Variants in TEX15 observed in about 807,000 individuals in gnomAD.
TEX15 encodes the protein testis-expressed protein 15.
In TEX15, 171 loss-of-function variants were observed where a neutral mutation model predicts 237.3. That is an observed-to-expected ratio of 0.72 (90% CI 0.64 to 0.82). The LOEUF (loss-of-function observed/expected upper bound fraction) is 0.82, where lower values mean the gene tolerates loss of function less well. Ranked by LOEUF, TEX15 falls within the 40% of genes least tolerant of loss-of-function variation. The pLI is 0.00. For missense variants in TEX15, 3,750 were observed against 3,646.5 expected, an observed-to-expected ratio of 1.03 and a Z score of -0.73; for synonymous variants, 1,338 against 1,269.8, an observed-to-expected ratio of 1.05 and a Z score of -1.14.
chr8:30,867,472 G>A lies in TEX15; in HGVS notation c.333C>T (p.Cys111=), dbSNP rs1403717127. 2.0e-6 allele frequency: 3 copies of A among 1,533,842 alleles called. No individual in the cohort carries two copies. The highest frequency in any genetic ancestry group is 2.4e-5 in the East Asian group (1 of 40,818). ...RSEMRESGRH[C]RELEEQFCFL... ...AGCAGAACTGTTCTTCAAGTTCCCT[G>A]CAATGTCTTCCACTTTCACGCATCT... Residue 111 remains cysteine (C), a synonymous_variant, in exon 5 of 11, where the codon TGC becomes TGT. Transcript: ENST00000643185.
Position 30,848,537 on chromosome 8 carries a change from C to T in TEX15, c.1630G>A (p.Val544Met). ...TCAACCTCTGACACTACATTTGACA[C>T]AGAAATTGGGAAGGAAAAATTACCT... ...DQGNFSFPIS[V>M]SNVVSEVENQ... is the part of the protein sequence containing the mutation. The change falls in exon 8 of 11, where the codon GTG (valine) becomes ATG (methionine). Residue 544 changes from valine to methionine, a missense_variant. Transcript: ENST00000643185. 3 of 1,614,116 alleles carry T rather than the reference C, an allele frequency of 1.9e-6. No individual in the cohort carries two copies. The highest frequency in any genetic ancestry group is 2.5e-6 in the Non-Finnish European group (3 of 1,180,008).
At chr8:30,858,297 C>CT (rs952543847) in intron 7 of TEX15, among the ~76,000 whole-genome samples, 3 of 151,790 alleles carry the variant, frequency 2.0e-5, no homozygotes, top group East Asian at 1.9e-4. Context: ...AGATTCACTA[C>CT]TTTTTTTATC....
In TEX15 at chr8:30,844,330, T is replaced by C. The variant is rs779081313; in HGVS notation, c.5837A>G (p.Tyr1946Cys). The change falls in exon 8 of 11, where the codon TAT becomes TGT. Residue 1946 changes from tyrosine (Y) to cysteine (C), a missense_variant. Coordinates refer to ENST00000643185, the MANE Select transcript of TEX15 (RefSeq NM_001350162.2). The stretch of plus-strand genomic sequence containing the variant: ...TCCTAGAATTCCTGGTTTGGAAATA[T>C]AGGCTATTTCTGAATGTAATGTCAA... The part of the protein sequence containing the change: ...SDLTLHSEIA[Y>C]ISKPGILGVN... 1.7e-5 allele frequency: 27 copies of C among 1,612,990 alleles called. No individual in the cohort carries two copies. Among genetic ancestry groups the C allele is most frequent in the Non-Finnish European group, 1.9e-5 (23 of 1,179,496 alleles).
At chr8:30,880,986 ATAATT>A (rs1287768441) in intron 3 of TEX15, among the ~76,000 whole-genome samples, 1 of 151,504 alleles carries the variant, frequency 6.6e-6, no homozygotes, top group African/African-American at 2.4e-5. Context: ...TCAAATAGGG[ATAATT>A]TTATTTCTTC....
chr8:30,878,508 C>G (rs537492697), intron 3 of TEX15, among the ~76,000 whole-genome samples: 1 of 152,054 alleles, frequency 6.6e-6, no homozygotes, highest in Non-Finnish European at 1.5e-5. Flanking sequence ...CTCAGCCTCA[C>G]GAGTAGCTAG....
At chr8:30,852,339 C>T (rs767928385) in intron 7 of TEX15, among the ~76,000 whole-genome samples, 5 of 152,004 alleles carry the variant, frequency 3.3e-5, no homozygotes, top group East Asian at 1.9e-4. Flanking sequence ...GTGATCCGCC[C>T]GCCTTGGCCT....
rs1809264346 is a variant in TEX15, at chr8:30,912,969, G to A, written c.-176C>T. The stretch of plus-strand genomic sequence containing the variant: ...CCACTGCCTTCCCTGGAAGCCTCAG[G>A]AACACAGCAGCACCCCCCAGCGAGG... On this transcript the variant is annotated 5_prime_UTR_variant, in exon 1 of 11. Transcript: ENST00000643185. The A allele has an allele frequency of 1.3e-5, 2 of 152,410 alleles. No homozygotes were observed. Among genetic ancestry groups the A allele is most frequent in the Admixed American group, 1.3e-4 (2 of 15,278 alleles). 9.4% of individuals were successfully genotyped at this position (152,410 alleles called of 1,614,324 possible).
At chr8:30,850,460 T>A (rs1301319920) in intron 7 of TEX15, among the ~76,000 whole-genome samples, 1 of 152,156 alleles carries the variant, frequency 6.6e-6, no homozygotes, top group African/African-American at 2.4e-5. Flanking sequence ...CTATAAAACA[T>A]ATGAAGTTAT....
intron 4 of TEX15, among the ~76,000 whole-genome samples, chr8:30,872,113 GA>G (rs201230115): frequency 0.061 from 9,268 of 152,066 alleles, 510 homozygotes; most frequent in Admixed American, 0.19. Context: ...AAGCCTCTGG[GA>G]CCTTCCCACC....
rs144577500 is a variant in TEX15, at chr8:30,846,658, G to A, written c.3509C>T (p.Pro1170Leu). 304 of 1,613,734 alleles carry A rather than the reference G, an allele frequency of 1.9e-4. No homozygotes were observed. In the African/African-American group the frequency reaches 2.5e-3, roughly 13 times the overall value. The stretch of plus-strand genomic sequence containing the variant: ...TTTCAATGCAAGGGAGTCAGCTGTC[G>A]GGCTGAATCCTGGCCTAAATATATT... ...ITNIFRPGFS[P>L]TADSLALKDS... Residue 1170 changes from proline (P) to leucine (L), a missense_variant, in exon 8 of 11, where the codon CCG becomes CTG. Coordinates refer to ENST00000643185, the MANE Select transcript of TEX15 (RefSeq NM_001350162.2).
At chr8:30,833,683 G>C (rs976886743) in intron 10 of TEX15, among the ~76,000 whole-genome samples, 2 of 152,174 alleles carry the variant, frequency 1.3e-5, no homozygotes, top group Non-Finnish European at 2.9e-5. Context: ...TGGGTCCAAG[G>C]GATTTTCACA....
chr8:30,905,896 C>T (rs1809094840), intron 1 of TEX15, among the ~76,000 whole-genome samples: 1 of 151,530 alleles, frequency 6.6e-6, no homozygotes. Flanking sequence ...AGAGTGACAC[C>T]CTGTCTCAAA....
intron 4 of TEX15, among the ~76,000 whole-genome samples, chr8:30,870,965 GA>G (rs1318284571): frequency 2.0e-5 from 3 of 151,990 alleles, no homozygotes; most frequent in African/African-American, 4.8e-5. Flanking sequence ...TACCAGCAAG[GA>G]GATTTCCCAG....
intron 5 of TEX15, among the ~76,000 whole-genome samples, chr8:30,863,621 C>T (rs552660832): frequency 4.1e-4 from 63 of 152,154 alleles, no homozygotes; most frequent in African/African-American, 1.5e-3. Flanking sequence ...AGAGCCAGTG[C>T]CTTTTTTCCC....
In TEX15 at chr8:30,847,958, T is replaced by A. The variant is rs201332070; in HGVS notation, c.2209A>T (p.Thr737Ser). 3.1e-6 allele frequency: 5 copies of A among 1,613,884 alleles called. No individual in the cohort carries two copies. The South Asian group carries it at 5.5e-5, about 18-fold the overall frequency. Reference protein sequence around the residue: ...HSVEYEGNIHTSLAIAQKLME... With the variant: ...HSVEYEGNIHSSLAIAQKLME... ...AGCTTTTGAGCAATGGCTAAACTTG[T>A]ATGAATGTTACCCTCATACTCCACA... Residue 737 changes from threonine (T) to serine (S), a missense_variant, in exon 8 of 11, where the codon ACA becomes TCA. Physicochemically the swap from Thr to Ser is moderately conservative, Grantham distance 58. Transcript: ENST00000643185.
chr8:30,833,420 A>G, intron 10 of TEX15, 97 bp from the exon 11 acceptor site: 1 of 897,228 alleles, frequency 1.1e-6, no homozygotes, highest in South Asian at 2.0e-5. Flanking sequence ...TTACAGCTAA[A>G]GAGATCAAAG....
chr8:30,848,472 T>A lies in TEX15; in HGVS notation c.1695A>T (p.Gln565His). 6.2e-7 allele frequency: 1 copy of A among 1,614,176 alleles called. No homozygotes were observed. The highest frequency in any genetic ancestry group is 2.2e-5 in the East Asian group (1 of 44,888). The part of the protein sequence containing the change: ...NHSEEKAQRA[Q>H]QESGNAYTKE... ...TTGTATAAGCATTACCGGACTCCTG[T>A]TGGGCTCTCTGAGCCTTCTCCTCAC... The change falls in exon 8 of 11, where the codon CAA becomes CAT. Residue 565 changes from glutamine to histidine, a missense_variant. Coordinates refer to ENST00000643185, the MANE Select transcript of TEX15 (RefSeq NM_001350162.2).
intron 10 of TEX15, among the ~76,000 whole-genome samples, chr8:30,835,240 G>A (rs1807264960): frequency 6.6e-6 from 1 of 152,052 alleles, no homozygotes; most frequent in Non-Finnish European, 1.5e-5. Context: ...GAGTAGCTGG[G>A]ATTACAGGTG....
At chr8:30,909,666 T>C (rs947023338) in intron 1 of TEX15, among the ~76,000 whole-genome samples, 5 of 152,192 alleles carry the variant, frequency 3.3e-5, no homozygotes, top group African/African-American at 1.2e-4. Flanking sequence ...AGTTAATTTC[T>C]GATCATCTTG....
Sources: gnomAD v4.1 joint callset for allele counts (sites outside exome capture counted in the v4.1 genomes callset) on GRCh38, gnomAD v4.1.1 for gene constraint, MANE v1.5 for transcripts, NCBI Gene and HGNC (gene_info 2026-07-23, HGNC 2026-07-21) for gene names.